Variants in MED12L observed in about 807,000 individuals in gnomAD.
MED12L encodes mediator of RNA polymerase II transcription subunit 12-like protein.
MED12L carries 60 observed loss-of-function variants against 281.3 expected under a neutral mutation model. The ratio of observed to expected loss-of-function variants is 0.21; its 90% CI spans 0.17 to 0.26. The LOEUF is 0.26. Among genes scored for constraint, MED12L ranks in the 10% least tolerant of loss-of-function variants. The pLI, the probability that MED12L is intolerant of heterozygous loss-of-function variation, is 1.00. For synonymous variants in MED12L, 974 were observed against 987.2 expected, an observed-to-expected ratio of 0.99 and a Z score of 0.25; for missense variants, 2,146 against 2,680.9, an observed-to-expected ratio of 0.80 and a Z score of 4.41.
intron 17 of MED12L, among the ~76,000 whole-genome samples, chr3:151,354,423 ATT>A (rs1423375545): frequency 6.6e-6 from 1 of 152,084 alleles, no homozygotes; most frequent in Non-Finnish European, 1.5e-5. Flanking sequence ...GAATGATTTA[ATT>A]TTTTGCCACT....
chr3:151,231,596 C>A (rs1340461910), intron 16 of MED12L, among the ~76,000 whole-genome samples: 3 of 152,050 alleles, frequency 2.0e-5, no homozygotes, highest in Non-Finnish European at 4.4e-5. Flanking sequence ...TTAAAAAAAT[C>A]AATGCCACGA....
At position 151,193,506 on chromosome 3, in the gene MED12L, C is replaced by T. The variant is rs747864149; in HGVS notation, c.2090C>T (p.Pro697Leu). ...ATGACTTAGATTTTTTCTCCTATGC[C>T]TGGAGAATCCTGTGAGAATGCCAAC... ...GSEFPIFSPM[P>L]GESCENANTS... The change falls in exon 16 of 45, where the codon CCT (proline) becomes CTT (leucine). Residue 697 changes from proline (P) to leucine (L), a missense_variant. Around this residue, in one of 9 missense-constraint regions of MED12L, gnomAD observed 722 missense variants for 861.2 expected, o/e 0.84. Coordinates refer to ENST00000687756, the MANE Select transcript of MED12L (RefSeq NM_001393769.1). The T allele has an allele frequency of 6.2e-7, 1 of 1,612,650 alleles. No individual in the cohort carries two copies. Among genetic ancestry groups the T allele is most frequent in the Non-Finnish European group, 8.5e-7 (1 of 1,179,234 alleles).
chr3:151,426,167 C>T (rs1577625977), intron 43 of MED12L, among the ~76,000 whole-genome samples: 3 of 152,154 alleles, frequency 2.0e-5, no homozygotes, highest in South Asian at 2.1e-4. Flanking sequence ...AAAATCTCAC[C>T]AGGCACCTGA....
At position 151,296,824 on chromosome 3, in the gene MED12L, T is replaced by C. The variant is rs150070038; in HGVS notation, c.2251-53235T>C. 1.6e-4 allele frequency among the ~76,000 whole-genome samples: 25 copies of C among 152,238 alleles called. No individual in the cohort carries two copies. The East Asian group carries it at 4.8e-3, about 29-fold the overall frequency. Reference sequence around the variant, plus strand: ...TCCCTGTAATTAATAATATTTACTATAGTTATAATTATGTTTTGGAATGGT... The same window carrying C: ...TCCCTGTAATTAATAATATTTACTACAGTTATAATTATGTTTTGGAATGGT... On this transcript the variant is annotated intron_variant, in intron 16 of 44. Transcript: ENST00000687756.
At position 151,266,717 on chromosome 3, in the gene MED12L, G is replaced by T. The variant is rs539290203; in HGVS notation, c.2250+73051G>T. Among the ~76,000 whole-genome samples the T allele has an allele frequency of 3.3e-5, 5 of 152,298 alleles. No individual in the cohort carries two copies. In the South Asian group the frequency reaches 1.0e-3, roughly 32 times the overall value. ...CCATGGGAGGAAAGCTTTGGGACTT[G>T]GTGGCTTGGCACAGGGAAAAATAAA... On this transcript the variant is annotated intron_variant, in intron 16 of 44. Coordinates refer to ENST00000687756, the MANE Select transcript of MED12L (RefSeq NM_001393769.1).
chr3:151,409,294 C>T lies in MED12L; in HGVS notation c.5872C>T (p.Pro1958Ser), dbSNP rs1204088577. Residue 1958 changes from proline (P) to serine (S), a missense_variant, in exon 40 of 45, where the codon CCT (proline) becomes TCT (serine). Transcript: ENST00000687756. ...CTTTGCTGCGCAAGCACGGCCCTCC[C>T]CTCAGCTCCCTCAGTATCCAGGGCT... ...ALFAAQARPS[P>S]QLPQYPGLQQ... 1.9e-6 allele frequency: 3 copies of T among 1,613,764 alleles called. No homozygotes were observed. The highest frequency in any genetic ancestry group is 2.5e-6 in the Non-Finnish European group (3 of 1,179,978).
chr3:151,111,594 C>T (rs1380777711), intron 2 of MED12L, among the ~76,000 whole-genome samples: 4 of 152,248 alleles, frequency 2.6e-5, no homozygotes, highest in East Asian at 1.9e-4. Flanking sequence ...CTGGTGCCAG[C>T]GTGTATCCAC....
intron 2 of MED12L, among the ~76,000 whole-genome samples, chr3:151,109,891 A>G (rs1240564796): frequency 6.6e-6 from 1 of 152,198 alleles, no homozygotes; most frequent in East Asian, 1.9e-4. Flanking sequence ...TTCCCAGAGC[A>G]CGACCCTGGG....
intron 24 of MED12L, 34 bp from the exon 25 acceptor site, chr3:151,368,116 T>G (rs1199521603): frequency 1.9e-6 from 3 of 1,553,340 alleles, no homozygotes; most frequent in Non-Finnish European, 2.7e-6. Context: ...CCAAGTGTGT[T>G]AGAAAACTTG....
intron 43 of MED12L, among the ~76,000 whole-genome samples, chr3:151,423,777 T>C (rs10935847): frequency 0.67 from 102,154 of 152,086 alleles, 35,307 homozygotes; most frequent in Middle Eastern, 0.88. Context: ...AAGAAAATAA[T>C]GTTAACACCA....
chr3:151,303,529 A>G (rs764081161), intron 16 of MED12L, among the ~76,000 whole-genome samples: 1 of 152,154 alleles, frequency 6.6e-6, no homozygotes, highest in Non-Finnish European at 1.5e-5. Flanking sequence ...TTGGGAGGCC[A>G]TGGTGGGTAG....
At chr3:151,195,030 G>A (rs1724462654) in intron 16 of MED12L, among the ~76,000 whole-genome samples, 1 of 152,130 alleles carries the variant, frequency 6.6e-6, no homozygotes, top group African/African-American at 2.4e-5. Context: ...AGGCCTGGTG[G>A]CGGGCGCCTG....
At chr3:151,302,909 T>A (rs1288843927) in intron 16 of MED12L, among the ~76,000 whole-genome samples, 2 of 152,100 alleles carry the variant, frequency 1.3e-5, no homozygotes, top group Non-Finnish European at 2.9e-5. Context: ...CAATATCGAA[T>A]GAGAGGTTTG....
At chr3:151,231,316 G>A (rs1222081630) in intron 16 of MED12L, among the ~76,000 whole-genome samples, 1 of 152,186 alleles carries the variant, frequency 6.6e-6, no homozygotes, top group Non-Finnish European at 1.5e-5. Context: ...GGGTGAATGG[G>A]TGTGGGAGAA....
At chr3:151,294,613 G>C (rs750502138) in intron 16 of MED12L, 83 of 1,614,054 alleles carry the variant, frequency 5.1e-5, no homozygotes, top group Non-Finnish European at 6.8e-5. Flanking sequence ...ACAAGCAGCT[G>C]TTCACATAGG....
At chr3:151,401,804 A>G (rs1016011305) in intron 39 of MED12L, among the ~76,000 whole-genome samples, 1 of 152,204 alleles carries the variant, frequency 6.6e-6, no homozygotes, top group African/African-American at 2.4e-5. Flanking sequence ...CCTAAACTCT[A>G]TCATTTTGGT....
At chr3:151,261,685 GTGTTT>G (rs10627724) in intron 16 of MED12L, among the ~76,000 whole-genome samples, 218 of 148,754 alleles carry the variant, frequency 1.5e-3, no homozygotes, top group East Asian at 4.6e-3. Context: ...GTGGTACGTG[GTGTTT>G]TGTTTTGTTT....
chr3:151,370,767 G>T (rs1192100907), intron 26 of MED12L, among the ~76,000 whole-genome samples: 1 of 152,168 alleles, frequency 6.6e-6, no homozygotes, highest in African/African-American at 2.4e-5. Flanking sequence ...AGCTAGCAAA[G>T]AATCAGTTTT....
At chr3:151,117,197 C>G (rs1488842858) in intron 3 of MED12L, among the ~76,000 whole-genome samples, 1 of 151,324 alleles carries the variant, frequency 6.6e-6, no homozygotes, top group Non-Finnish European at 1.5e-5. Flanking sequence ...TTTAATTTGT[C>G]GTGTTATAAT....
Sources: gnomAD v4.1 joint callset for allele counts (sites outside exome capture counted in the v4.1 genomes callset) on GRCh38, gnomAD v4.1.1 for gene constraint, gnomAD v4.1.1 regional missense constraint, MANE v1.5 for transcripts, NCBI Gene and HGNC (gene_info 2026-07-23, HGNC 2026-07-21) for gene names.